Variants in TMEM120B observed in about 807,000 individuals in gnomAD.
The protein encoded by TMEM120B is transmembrane protein 120B.
A neutral mutation model predicts 55.5 loss-of-function variants in TMEM120B; 31 were observed. The ratio of observed to expected loss-of-function variants is 0.56; its 90% CI spans 0.42 to 0.75. The LOEUF is 0.75. Among genes scored for constraint, TMEM120B ranks in the 30% least tolerant of loss-of-function variants. The pLI, the probability that TMEM120B is intolerant of heterozygous loss-of-function variation, is 0.00. For missense variants in TMEM120B, 399 were observed against 425.5 expected (o/e 0.94, Z 0.55); for synonymous variants, 203 against 176.3 (o/e 1.15, Z -1.20).
intron 1 of TMEM120B, among the ~76,000 whole-genome samples, chr12:121,739,371 A>G (rs941032553): frequency 6.6e-6 from 1 of 152,182 alleles, no homozygotes; most frequent in Non-Finnish European, 1.5e-5. Context: ...TGAGTGGTAT[A>G]TGAGGCCATA....
chr12:121,749,905 C>CAAAAAAAAAAAAAAAAAA, intron 3 of TMEM120B, among the ~76,000 whole-genome samples: 1 of 79,852 alleles, frequency 1.3e-5, no homozygotes, highest in Non-Finnish European at 2.7e-5. Context: ...GACTCTGTCT[C>CAAAAAAAAAAAAAAAAAA]AAAAAAAAAA....
At position 121,761,750 on chromosome 12, in the gene TMEM120B, C is replaced by A. The variant is rs754125181; in HGVS notation, c.551+12C>A. 1 of 1,610,798 alleles carries A rather than the reference C, an allele frequency of 6.2e-7. No homozygotes were observed. The highest frequency in any genetic ancestry group is 1.1e-5 in the South Asian group (1 of 90,978). On this transcript the variant is annotated intron_variant, in intron 6 of 11. Transcript: ENST00000449592. ...AGCAACGGCTCAAGGTACCTGGGCACCTGGCTTTGTGGGGAGCACAAGAGG... is the reference window on the plus strand; with the variant it reads ...AGCAACGGCTCAAGGTACCTGGGCAACTGGCTTTGTGGGGAGCACAAGAGG...
intron 3 of TMEM120B, among the ~76,000 whole-genome samples, chr12:121,750,005 C>G (rs1233659610): frequency 1.3e-5 from 2 of 150,764 alleles, no homozygotes; most frequent in African/African-American, 4.9e-5. Context: ...AAAATAATAA[C>G]AATGATAATA....
intron 4 of TMEM120B, among the ~76,000 whole-genome samples, chr12:121,751,513 A>G (rs974409097): frequency 3.3e-5 from 5 of 151,176 alleles, no homozygotes; most frequent in African/African-American, 9.8e-5. Context: ...AGTTGCATCT[A>G]AGCTAGAATT....
At position 121,775,462 on chromosome 12, in the gene TMEM120B, C is replaced by T. The variant is rs1874208288; in HGVS notation, c.907-147C>T. The T allele has an allele frequency of 1.4e-6, 2 of 1,444,014 alleles. No individual in the cohort carries two copies. Among genetic ancestry groups the T allele is most frequent in the Non-Finnish European group, 1.8e-6 (2 of 1,103,938 alleles). 89.5% of individuals were successfully genotyped at this position (1,444,014 alleles called of 1,614,324 possible). On this transcript the variant is annotated intron_variant, in intron 11 of 11. Coordinates refer to ENST00000449592, the MANE Select transcript of TMEM120B (RefSeq NM_001080825.2). This position sits in a 1 kb window ranked among gnomAD's most constrained non-coding sequence, Gnocchi z 4.3. ...CCAAGCCTGAGGCCTCACCCTTCCC[C>T]CAGGTCTCCTGAATCTCTGCCTTCG...
Position 121,748,420 on chromosome 12 carries a change from G to A in TMEM120B, c.283G>A (p.Ala95Thr), listed in dbSNP as rs757220809. Reference protein sequence around the residue: ...ERQDVFFDMEAYLPKKNGLYL... With the variant: ...ERQDVFFDMETYLPKKNGLYL... ...GCAGGACGTCTTCTTCGACATGGAG[G>A]CCTACCTGCCCAAGAAGAACGGGTA... is the stretch of plus-strand genomic sequence containing the variant. Residue 95 changes from alanine (A) to threonine (T), a missense_variant, in exon 3 of 12, where the codon GCC (alanine) becomes ACC (threonine). Transcript: ENST00000449592. 9.9e-6 allele frequency: 16 copies of A among 1,609,622 alleles called. No individual in the cohort carries two copies. The highest frequency in any genetic ancestry group is 3.4e-5 in the Admixed American group (2 of 59,634).
chr12:121,740,582 C>T (rs1872906087), intron 1 of TMEM120B, among the ~76,000 whole-genome samples: 1 of 151,336 alleles, frequency 6.6e-6, no homozygotes, highest in Non-Finnish European at 1.5e-5. Context: ...GGAAGTGCAC[C>T]ATTGTAAAGG....
intron 5 of TMEM120B, among the ~76,000 whole-genome samples, chr12:121,757,150 G>T (rs986621427): frequency 7.3e-5 from 11 of 151,064 alleles, no homozygotes; most frequent in Non-Finnish European, 1.2e-4. Flanking sequence ...TGGGGGGGGG[G>T]GGTGTCACTT....
intron 6 of TMEM120B, among the ~76,000 whole-genome samples, chr12:121,765,600 T>C (rs1189335021): frequency 1.3e-5 from 2 of 152,236 alleles, no homozygotes; most frequent in Admixed American, 1.3e-4. Flanking sequence ...TGCATTATCT[T>C]CTATTTAGGT....
intron 6 of TMEM120B, among the ~76,000 whole-genome samples, chr12:121,769,214 CAG>C (rs1279226271): frequency 6.8e-6 from 1 of 147,918 alleles, no homozygotes; most frequent in African/African-American, 2.5e-5. Context: ...GTTCTGGAAA[CAG>C]AGTTCCCATA....
intron 1 of TMEM120B, among the ~76,000 whole-genome samples, chr12:121,731,144 G>A (rs1349862889): frequency 6.6e-6 from 1 of 152,138 alleles, no homozygotes; most frequent in Non-Finnish European, 1.5e-5. Context: ...AATGGATTGT[G>A]GTATAGTCAC....
intron 1 of TMEM120B, among the ~76,000 whole-genome samples, chr12:121,713,225 G>A (rs1894634167): frequency 6.6e-6 from 1 of 152,154 alleles, no homozygotes; most frequent in South Asian, 2.1e-4. Flanking sequence ...CCCCTTCGCT[G>A]CAGAAAGTTG....
At chr12:121,740,311 C>T (rs893879393) in intron 1 of TMEM120B, among the ~76,000 whole-genome samples, 8 of 151,544 alleles carry the variant, frequency 5.3e-5, no homozygotes, top group African/African-American at 1.9e-4. Context: ...ATGGAGAAAC[C>T]CTGTCTCTAC....
intron 6 of TMEM120B, among the ~76,000 whole-genome samples, chr12:121,768,042 G>A (rs1443259800): frequency 6.6e-6 from 1 of 152,220 alleles, no homozygotes; most frequent in Non-Finnish European, 1.5e-5. Flanking sequence ...CAAGCTGGAA[G>A]TTGGGGGATC....
Position 121,775,677 on chromosome 12 carries a change from G to A in TMEM120B, c.975G>A (p.Val325=). 6.2e-7 allele frequency: 1 copy of A among 1,614,056 alleles called. No individual in the cohort carries two copies. Among genetic ancestry groups the A allele is most frequent in the South Asian group, 1.1e-5 (1 of 91,084 alleles). ...ACTTCCTGACCACGCTCAAAGTCGT[G>A]CATGCCAAGCTCCAGAAGAACAGAG... ...LGNFLTTLKV[V]HAKLQKNRGK... is the part of the protein sequence containing the mutation. The change falls in exon 12 of 12, where the codon GTG becomes GTA. Residue 325 remains valine (V), a synonymous_variant. Coordinates refer to ENST00000449592, the MANE Select transcript of TMEM120B (RefSeq NM_001080825.2). The surrounding 1 kb of genome is among the most constrained non-coding windows in gnomAD (Gnocchi z 4.3).
At chr12:121,750,632 C>CA (rs929697722) in intron 4 of TMEM120B, among the ~76,000 whole-genome samples, 193 bp downstream of exon 4, 2 of 133,150 alleles carry the variant, frequency 1.5e-5, no homozygotes, top group Non-Finnish European at 3.3e-5. Flanking sequence ...ACCACACCCA[C>CA]ACCCCACACT....
intron 5 of TMEM120B, 41 bp from the exon 6 acceptor site, chr12:121,761,608 C>T (rs1873679298): frequency 6.6e-7 from 1 of 1,524,602 alleles, no homozygotes. Context: ...GTGCCTGGTT[C>T]TCACGCCCGC....
At chr12:121,770,854 T>TG in intron 6 of TMEM120B, 53 bp from the exon 7 acceptor site, 11 of 1,559,050 alleles carry the variant, frequency 7.1e-6, no homozygotes, top group Admixed American at 1.7e-5. Flanking sequence ...GCGAGACACA[T>TG]GCCTGCGTTG....
At position 121,775,823 on chromosome 12, in the gene TMEM120B, G is replaced by A. The variant is rs760570844; in HGVS notation, c.*101G>A. ...AGGCCCGTGGCATCGCTGGGAGAGG[G>A]CCCAGGCCCTGGTCCCCCAGTGGAC... On this transcript the variant is annotated 3_prime_UTR_variant, in exon 12 of 12. Transcript: ENST00000449592. This position sits in a 1 kb window ranked among gnomAD's most constrained non-coding sequence, Gnocchi z 4.3. The A allele has an allele frequency of 1.0e-5, 13 of 1,297,836 alleles. No homozygotes were observed. Among genetic ancestry groups the A allele is most frequent in the Non-Finnish European group, 3.3e-6 (3 of 918,064 alleles). 80.4% of individuals were successfully genotyped at this position (1,297,836 alleles called of 1,614,324 possible).
Sources: gnomAD v4.1 joint callset for allele counts (sites outside exome capture counted in the v4.1 genomes callset) on GRCh38, gnomAD v4.1.1 for gene constraint, Gnocchi (gnomAD v3.1) non-coding constraint, MANE v1.5 for transcripts, NCBI Gene and HGNC (gene_info 2026-07-23, HGNC 2026-07-21) for gene names.